The following COL6A1 variants were observed in gnomAD, a reference collection of about 807,000 sequenced individuals.
COL6A1 encodes collagen alpha-1(VI) chain.
COL6A1 carries 80 observed loss-of-function variants against 145.6 expected under a neutral mutation model. The ratio of observed to expected loss-of-function variants is 0.55; its 90% CI spans 0.46 to 0.66. The LOEUF is 0.66. Among genes scored for constraint, COL6A1 ranks in the 30% least tolerant of loss-of-function variants. COL6A1 has a pLI of 0.00. For missense variants in COL6A1, 1,364 were observed against 1,473.8 expected (o/e 0.93, Z 1.22); for synonymous variants, 638 against 622.8 (o/e 1.02, Z -0.36).
chr21:45,998,950 C>A lies in COL6A1; in HGVS notation c.1665C>A (p.Pro555=), dbSNP rs369802454. The A allele has an allele frequency of 6.4e-7, 1 of 1,554,058 alleles. No individual in the cohort carries two copies. The highest frequency in any genetic ancestry group is 2.4e-5 in the East Asian group (1 of 41,768). The change falls in exon 25 of 35, where the codon CCC becomes CCA. Residue 555 remains proline (P), a synonymous_variant. Transcript: ENST00000361866. The stretch of plus-strand genomic sequence containing the variant: ...GGGACGAGGGAGAAGCCGGGGACCC[C>A]GGAGACGATGTAAGTGTGGATGGGA... The part of the protein sequence containing the change: ...LKGDEGEAGD[P]GDDNNDIAPR...
intron 8 of COL6A1, 109 bp downstream of exon 8, chr21:45,987,763 G>T (rs528205558): frequency 8.0e-7 from 1 of 1,244,254 alleles, no homozygotes; most frequent in Non-Finnish European, 1.1e-6. Context: ...CAGAGGGGAC[G>T]GCGGGGGTCC....
Position 45,981,774 on chromosome 21 carries a change from G to A in COL6A1, c.-77G>A, listed in dbSNP as rs1273055401. On this transcript the variant is annotated 5_prime_UTR_variant, in exon 1 of 35. Coordinates refer to ENST00000361866, the MANE Select transcript of COL6A1 (RefSeq NM_001848.3). ...GCTCTCACTCTGGCTGGGAGCAGAA[G>A]GCAGCCTCGGTCTCTGGGCGGCGGC... 2 of 1,108,206 alleles carry A rather than the reference G, an allele frequency of 1.8e-6. No homozygotes were observed. The highest frequency in any genetic ancestry group is 1.4e-5 in the South Asian group (1 of 70,398). 68.6% of individuals were successfully genotyped at this position (1,108,206 alleles called of 1,614,324 possible). A position where few individuals can be genotyped will look rare whatever the true frequency, so the allele number is the denominator to read the frequency against.
At chr21:45,999,896 A>AGGGGACGTGTGAGGATCATG (rs2077829446) in intron 27 of COL6A1, among the ~76,000 whole-genome samples, 3 of 8,654 alleles carry the variant, frequency 3.5e-4, no homozygotes, top group East Asian at 4.0e-3. Flanking sequence ...AGGACCATAG[A>AGGGGACGTGTGAGGATCATG]GGGGACATGT....
chr21:45,998,473 A>G, intron 24 of COL6A1, 40 bp downstream of exon 24: 2 of 1,612,750 alleles, frequency 1.2e-6, no homozygotes, highest in Non-Finnish European at 1.7e-6. Context: ...TGGGCACACA[A>G]ACATTCACAG....
intron 27 of COL6A1, 41 bp from the exon 28 acceptor site, chr21:46,000,290 G>A (rs763258033): frequency 6.2e-7 from 1 of 1,613,250 alleles, no homozygotes; most frequent in Non-Finnish European, 8.5e-7. Flanking sequence ...CGCTGGGAGG[G>A]GCTGTCTATG....
rs376764211 is a variant in COL6A1, at chr21:46,003,966, C to T, written c.3040C>T (p.Arg1014Cys). The T allele has an allele frequency of 1.7e-5, 28 of 1,612,928 alleles. No individual in the cohort carries two copies. Among genetic ancestry groups the T allele is most frequent in the African/African-American group, 6.7e-5 (5 of 74,936 alleles). Residue 1014 changes from arginine (R) to cysteine (C), a missense_variant, in exon 35 of 35, where the codon CGC (arginine) becomes TGC (cysteine). Physicochemically the swap from Arg to Cys is radical, Grantham distance 180. This residue lies in a region of COL6A1 where 938 missense variants were observed against 1,003.8 expected (regional missense o/e 0.93). Transcript: ENST00000361866. The part of the protein sequence containing the change: ...FRVPSYQALL[R>C]GVFHQTVSRK... The stretch of plus-strand genomic sequence containing the variant: ...TGTCCCCAGCTACCAGGCCCTGCTC[C>T]GCGGTGTCTTCCACCAGACAGTCTC...
Position 46,002,616 on chromosome 21 carries a change from C to G in COL6A1, c.2340C>G (p.Ser780=), listed in dbSNP as rs1355065121. 1 of 1,614,090 alleles carries G rather than the reference C, an allele frequency of 6.2e-7. No individual in the cohort carries two copies. The highest frequency in any genetic ancestry group is 8.5e-7 in the Non-Finnish European group (1 of 1,180,016). ...TTTCTTGCCAAGGCCTGGCACCATCCCAGGGCCGGCCCGGCCTCTCGCTGG... is the reference window on the plus strand; with the variant it reads ...TTTCTTGCCAAGGCCTGGCACCATCGCAGGGCCGGCCCGGCCTCTCGCTGG... ...NVISCQGLAP[S]QGRPGLSLVK... Residue 780 remains serine, a synonymous_variant, in exon 33 of 35, where the codon TCC becomes TCG. Transcript: ENST00000361866.
chr21:45,986,693 C>G lies in COL6A1; in HGVS notation c.588+8C>G, dbSNP rs398123638. On this transcript the variant is annotated splice_region_variant and intron_variant, in intron 4 of 34. Coordinates refer to ENST00000361866, the MANE Select transcript of COL6A1 (RefSeq NM_001848.3). ...ATCACACCCGACCACCTGGTAGGCA[C>G]CGGCCCCCCCCGGCAGATGCCCCCA... is the stretch of plus-strand genomic sequence containing the variant. The G allele has an allele frequency of 2.4e-4, 374 of 1,542,310 alleles. No individual in the cohort carries two copies. The African/African-American group carries it at 5.0e-3, about 20-fold the overall frequency.
At chr21:45,985,926 G>T (rs149085625) in intron 3 of COL6A1, among the ~76,000 whole-genome samples, 80 of 152,298 alleles carry the variant, frequency 5.3e-4, no homozygotes, top group Admixed American at 2.2e-3. Context: ...GTCAGAGTGC[G>T]GCCCCCTGTG....
At chr21:45,985,933 T>C (rs1372709095) in intron 3 of COL6A1, among the ~76,000 whole-genome samples, 1 of 152,202 alleles carries the variant, frequency 6.6e-6, no homozygotes, top group Non-Finnish European at 1.5e-5. Flanking sequence ...TGCGGCCCCC[T>C]GTGGAAGCCA....
At chr21:45,986,841 G>T in intron 4 of COL6A1, 103 bp from the exon 5 acceptor site, 2 of 1,527,572 alleles carry the variant, frequency 1.3e-6, no homozygotes, top group East Asian at 2.5e-5. Flanking sequence ...CTGCTGAGGA[G>T]CCTGGAGCGC....
chr21:46,004,891 T>C lies in COL6A1; in HGVS notation c.*878T>C. On this transcript the variant is annotated 3_prime_UTR_variant, in exon 35 of 35. Coordinates refer to ENST00000361866, the MANE Select transcript of COL6A1 (RefSeq NM_001848.3). Reference sequence around the variant, plus strand: ...GGTGCCACAGAGGGCTGTGTCTTACTAGAAACAACGCAAACCTCTCCTTCC... The same window carrying C: ...GGTGCCACAGAGGGCTGTGTCTTACCAGAAACAACGCAAACCTCTCCTTCC... 6.0e-6 allele frequency: 1 copy of C among 167,334 alleles called. No homozygotes were observed. The highest frequency in any genetic ancestry group is 1.1e-4 in the South Asian group (1 of 9,146). The allele number at this position is 167,334 out of a possible 1,614,324, so 10.4% of individuals were successfully genotyped here.
At chr21:45,997,172 C>A in intron 20 of COL6A1, among the ~76,000 whole-genome samples, 1 of 128,706 alleles carries the variant, frequency 7.8e-6, no homozygotes, top group African/African-American at 2.7e-5. Flanking sequence ...AGAGGCTTCA[C>A]CCCTCCGTGG....
chr21:45,981,841 G>A lies in COL6A1; in HGVS notation c.-10G>A, dbSNP rs1300109797. The A allele has an allele frequency of 6.4e-7, 1 of 1,574,068 alleles. No homozygotes were observed. Among genetic ancestry groups the A allele is most frequent in the Non-Finnish European group, 8.6e-7 (1 of 1,162,376 alleles). On this transcript the variant is annotated 5_prime_UTR_variant, in exon 1 of 35. Coordinates refer to ENST00000361866, the MANE Select transcript of COL6A1 (RefSeq NM_001848.3). ...CTGGCCGCGCTGTGTGGTGACCGCA[G>A]GCCCCAGACATGAGGGCGGCCCGTG...
At chr21:45,987,568 C>T (rs752097018) in intron 7 of COL6A1, 42 bp from the exon 8 acceptor site, 1 of 1,612,670 alleles carries the variant, frequency 6.2e-7, no homozygotes. Context: ...CCCTGGGAAC[C>T]TGAGTCTGGG....
intron 1 of COL6A1, 152 bp from the exon 2 acceptor site, chr21:45,982,482 C>G (rs1222329910): frequency 1.8e-6 from 2 of 1,093,588 alleles, no homozygotes; most frequent in Non-Finnish European, 2.7e-6. Context: ...ACCGTCCCCA[C>G]CGAGGGACGT....
chr21:45,991,686 C>T lies in COL6A1; in HGVS notation c.1120-324C>T, dbSNP rs185093319. Among the ~76,000 whole-genome samples, 110 of 152,294 alleles carry T rather than the reference C, an allele frequency of 7.2e-4. No homozygotes were observed. The East Asian group carries it at 0.021, about 29-fold the overall frequency. On this transcript the variant is annotated intron_variant, in intron 15 of 34. Coordinates refer to ENST00000361866, the MANE Select transcript of COL6A1 (RefSeq NM_001848.3). ...GGTTTCCAAATCTCATCTTCAAGTT[C>T]CCAGATTACCCTCCAGGCCCTAGAT...
intron 26 of COL6A1, chr21:45,999,422 G>C (rs2077825477): frequency 1.5e-5 from 11 of 732,616 alleles, no homozygotes; most frequent in South Asian, 8.4e-5. Context: ...CGAGCCCAGG[G>C]ACACAGCGGG....
chr21:45,999,571 G>C, intron 26 of COL6A1, 86 bp from the exon 27 acceptor site: 1 of 1,453,418 alleles, frequency 6.9e-7, no homozygotes, highest in South Asian at 1.2e-5. Context: ...ATGAGGGGCA[G>C]GGCCCTGGGG....
Sources: allele counts gnomAD v4.1 joint callset (sites outside exome capture counted in the v4.1 genomes callset), GRCh38; gene constraint gnomAD v4.1.1; regional missense constraint gnomAD v4.1.1; transcripts MANE v1.5; gene names NCBI Gene and HGNC (gene_info 2026-07-23, HGNC 2026-07-21).